The following IGF2BP1 variants were observed in gnomAD, a reference collection of about 807,000 sequenced individuals.
IGF2BP1 encodes the protein insulin-like growth factor 2 mRNA-binding protein 1.
Under a neutral mutation model 74.9 loss-of-function variants are expected in IGF2BP1, and 11 were observed. The observed-to-expected ratio is 0.15, with a 90% CI of 0.09 to 0.24. The LOEUF is 0.24. Among genes scored for constraint, IGF2BP1 ranks in the 10% least tolerant of loss-of-function variants. The pLI is 1.00. For synonymous variants in IGF2BP1, 287 were observed against 281.8 expected, an observed-to-expected ratio of 1.02 and a Z score of -0.18; for missense variants, 440 against 757.4, an observed-to-expected ratio of 0.58 and a Z score of 4.92.
rs377664122 is a variant in IGF2BP1 at position 49,025,717 on chromosome 17, A to G, written c.285+51A>G. The G allele has an allele frequency of 4.1e-5, 63 of 1,552,702 alleles. No homozygotes were observed. The African/African-American group carries it at 8.4e-4, about 21-fold the overall frequency. ...TGGAGTGGGATAGTGGAGCCTGGAA[A>G]GTACGTCTGGACTAGCTGGAGTTGC... On this transcript the variant is annotated intron_variant, in intron 3 of 14. Coordinates refer to ENST00000290341, the MANE Select transcript of IGF2BP1 (RefSeq NM_006546.4).
At position 49,044,020 on chromosome 17, in the gene IGF2BP1, C is replaced by T. The variant is rs1413233868; in HGVS notation, c.1254C>T (p.Gly418=). 15 of 1,614,104 alleles carry T rather than the reference C, an allele frequency of 9.3e-6. No homozygotes were observed. The highest frequency in any genetic ancestry group is 2.7e-5 in the African/African-American group (2 of 75,030). The change falls in exon 11 of 15, where the codon GGC becomes GGT. Residue 418 remains glycine (G), a synonymous_variant. Coordinates refer to ENST00000290341, the MANE Select transcript of IGF2BP1 (RefSeq NM_006546.4). ...TGTTTATCCCCGCCCAGGCAGTGGG[C>T]GCCATCATCGGCAAGAAGGGGCAGC... ...VQVFIPAQAV[G]AIIGKKGQHI...
At chr17:49,016,537 G>T (rs893042874) in intron 2 of IGF2BP1, among the ~76,000 whole-genome samples, 1 of 152,148 alleles carries the variant, frequency 6.6e-6, no homozygotes, top group African/African-American at 2.4e-5. Flanking sequence ...AGCTCTTGGT[G>T]ACCTGCTTTT....
chr17:49,043,689 C>T, intron 10 of IGF2BP1, 139 bp downstream of exon 10: 1 of 1,089,280 alleles, frequency 9.2e-7, no homozygotes, highest in Non-Finnish European at 1.3e-6. Context: ...CATCCCTCCT[C>T]TCCAGTGCTC....
chr17:49,052,668 G>C lies in IGF2BP1; in HGVS notation c.*3224G>C, dbSNP rs2042180697. 1 of 152,494 alleles carries C rather than the reference G, an allele frequency of 6.6e-6. No individual in the cohort carries two copies. The highest frequency in any genetic ancestry group is 1.5e-5 in the Non-Finnish European group (1 of 68,018). 9.4% of individuals were successfully genotyped at this position (152,494 alleles called of 1,614,324 possible). On this transcript the variant is annotated 3_prime_UTR_variant, in exon 15 of 15. Coordinates refer to ENST00000290341, the MANE Select transcript of IGF2BP1 (RefSeq NM_006546.4). ...GTCTTGGTGGGCCGGGCCCTCTTGT[G>C]CCCCGTAGGCTAGGTCTTAGGGCAA...
At chr17:49,034,747 C>A (rs200126474) in intron 5 of IGF2BP1, among the ~76,000 whole-genome samples, 8,745 of 72,892 alleles carry the variant, frequency 0.12, 469 homozygotes, top group African/African-American at 0.29. Flanking sequence ...AAAAAAAACA[C>A]AAAAAAAACA....
chr17:49,018,805 A>G (rs942888866), intron 2 of IGF2BP1, among the ~76,000 whole-genome samples: 1 of 152,096 alleles, frequency 6.6e-6, no homozygotes, highest in Non-Finnish European at 1.5e-5. Flanking sequence ...CCCTACTCCT[A>G]GTTTCCCAGA....
chr17:49,051,878 T>A lies in IGF2BP1; in HGVS notation c.*2434T>A, dbSNP rs2042171356. On this transcript the variant is annotated 3_prime_UTR_variant, in exon 15 of 15. Transcript: ENST00000290341. ...TTTCATTTCAGTTCCGTCTTGCTATTCTTCCTAATCTATATCCATAGATCT... is the reference window on the plus strand; with the variant it reads ...TTTCATTTCAGTTCCGTCTTGCTATACTTCCTAATCTATATCCATAGATCT... 6.6e-6 allele frequency: 1 copy of A among 152,094 alleles called. No homozygotes were observed. The highest frequency in any genetic ancestry group is 2.4e-5 in the African/African-American group (1 of 41,402). The allele number at this position is 152,094 out of a possible 1,614,324, so 9.4% of individuals were successfully genotyped here.
rs540216387 is a variant in IGF2BP1 at position 49,048,707 on chromosome 17, C to T, written c.1642-645C>T. ...CACACAGCAGGAGGTGAGCGGCAGA[C>T]GAGTGGGCATTACCTCCTGAGCCCC... On this transcript the variant is annotated intron_variant, in intron 14 of 14. Transcript: ENST00000290341. Among the ~76,000 whole-genome samples the T allele has an allele frequency of 4.6e-5, 7 of 152,264 alleles. No individual in the cohort carries two copies. The South Asian group carries it at 1.0e-3, about 23-fold the overall frequency.
At chr17:49,046,647 T>C (rs978208242) in intron 14 of IGF2BP1, among the ~76,000 whole-genome samples, 1 of 149,146 alleles carries the variant, frequency 6.7e-6, no homozygotes, top group Non-Finnish European at 1.5e-5. Flanking sequence ...AACATATATA[T>C]GAATATATAT....
upstream of IGF2BP1, among the ~76,000 whole-genome samples, chr17:48,996,984 C>T (rs1390603575): frequency 6.6e-6 from 1 of 152,190 alleles, no homozygotes; most frequent in Non-Finnish European, 1.5e-5. Context: ...TCTCGGCCGT[C>T]CCCCGCCTGT....
chr17:49,031,807 A>G (rs2041924333), intron 4 of IGF2BP1, 103 bp from the exon 5 acceptor site: 4 of 1,040,006 alleles, frequency 3.8e-6, no homozygotes, highest in Admixed American at 3.7e-5. Context: ...CTGGCCTGCC[A>G]GATGTCTTCT....
intron 4 of IGF2BP1, among the ~76,000 whole-genome samples, chr17:49,028,503 TCA>T (rs1486359593): frequency 6.6e-6 from 1 of 152,204 alleles, no homozygotes; most frequent in South Asian, 2.1e-4. Context: ...CCAGTACTGT[TCA>T]CAGTTTAGAC....
At chr17:49,024,565 T>TAG (rs1044147032) in intron 2 of IGF2BP1, among the ~76,000 whole-genome samples, 1 of 152,178 alleles carries the variant, frequency 6.6e-6, no homozygotes, top group Non-Finnish European at 1.5e-5. Context: ...TTCAAGTACT[T>TAG]ACATTTTCTA....
intron 5 of IGF2BP1, among the ~76,000 whole-genome samples, chr17:49,036,075 G>A (rs993471897): frequency 2.6e-5 from 4 of 152,008 alleles, no homozygotes; most frequent in African/African-American, 4.8e-5. Context: ...TGGGCCAACT[G>A]GTGCGGGGTT....
At chr17:49,048,774 G>A (rs1294910394) in intron 14 of IGF2BP1, among the ~76,000 whole-genome samples, 2 of 152,014 alleles carry the variant, frequency 1.3e-5, no homozygotes, top group African/African-American at 2.4e-5. Context: ...CTCATGGGAG[G>A]GCTAACCCTG....
chr17:49,010,805 T>C (rs2041607978), intron 2 of IGF2BP1, among the ~76,000 whole-genome samples: 1 of 151,360 alleles, frequency 6.6e-6, no homozygotes, highest in Non-Finnish European at 1.5e-5. Flanking sequence ...GAGTACAGAG[T>C]CCAGGAGTCC....
chr17:49,046,146 C>T, intron 13 of IGF2BP1, 114 bp from the exon 14 acceptor site: 1 of 1,446,032 alleles, frequency 6.9e-7, no homozygotes, highest in Non-Finnish European at 9.6e-7. Context: ...TTCTACTCCC[C>T]AAGCTCAGGT....
Position 49,055,512 on chromosome 17 carries a change from C to G in IGF2BP1, c.*6068C>G, listed in dbSNP as rs563811551. On this transcript the variant is annotated 3_prime_UTR_variant, in exon 15 of 15. Transcript: ENST00000290341. ...ATGCTTAAATCTTGACTGGCACTTC[C>G]CGGCTGTGGGGGCTGGGGAGCCACT... is the stretch of plus-strand genomic sequence containing the variant. The G allele has an allele frequency of 5.6e-5, 22 of 395,524 alleles. No individual in the cohort carries two copies. The South Asian group carries it at 2.0e-3, about 35-fold the overall frequency. 24.5% of individuals were successfully genotyped at this position (395,524 alleles called of 1,614,324 possible).
intron 10 of IGF2BP1, 150 bp downstream of exon 10, chr17:49,043,700 C>G (rs528375225): frequency 9.6e-6 from 10 of 1,040,276 alleles, no homozygotes; most frequent in Non-Finnish European, 1.2e-5. Flanking sequence ...TCCAGTGCTC[C>G]TAGCCACTGG....
Sources: allele counts gnomAD v4.1 joint callset (sites outside exome capture counted in the v4.1 genomes callset), GRCh38; gene constraint gnomAD v4.1.1; transcripts MANE v1.5; gene names NCBI Gene and HGNC (gene_info 2026-07-23, HGNC 2026-07-21).